DMD: variants seen among roughly 807,000 people sequenced by gnomAD.
DMD encodes the protein mutant dystrophin.
Under a neutral mutation model 330.1 loss-of-function variants are expected in DMD, and 63 were observed. The ratio of observed to expected loss-of-function variants is 0.19; its 90% CI spans 0.16 to 0.24. The LOEUF is 0.24. Among genes scored for constraint, DMD ranks in the 10% least tolerant of loss-of-function variants. The pLI, the probability that DMD is intolerant of heterozygous loss-of-function variation, is 1.00. For synonymous variants in DMD, 1,223 were observed against 959.8 expected (o/e 1.27, Z -5.07); for missense variants, 3,344 against 2,684.1 (o/e 1.25, Z -5.43).
intron 50 of DMD, among the ~76,000 whole-genome samples, chrX:31,797,129 C>A (rs762007181): frequency 1.8e-5 from 2 of 111,078 alleles, no homozygotes; most frequent in African/African-American, 6.6e-5. Context: ...CTGTTTGCCA[C>A]AATAAAAAAT....
chrX:32,817,890 G>A (rs1413830333), intron 5 of DMD, among the ~76,000 whole-genome samples: 1 of 111,835 alleles, frequency 8.9e-6, no homozygotes, highest in East Asian at 2.8e-4. Flanking sequence ...TGTAAACACA[G>A]TAACGATTCG....
intron 52 of DMD, among the ~76,000 whole-genome samples, chrX:31,703,843 T>C (rs2083989248): frequency 9.0e-6 from 1 of 111,207 alleles, no homozygotes; most frequent in African/African-American, 3.3e-5. Flanking sequence ...AAAAGATCAA[T>C]GAATTCTGGT....
chrX:31,989,288 C>G (rs750197523), intron 44 of DMD, among the ~76,000 whole-genome samples: 15 of 112,101 alleles, frequency 1.3e-4, no homozygotes, highest in Non-Finnish European at 3.8e-5. Context: ...CAAGTTGACA[C>G]ATGAAATTAA....
chrX:32,370,219 GTTTTTT>G (rs138937492), intron 34 of DMD, among the ~76,000 whole-genome samples: 1 of 95,442 alleles, frequency 1.0e-5, no homozygotes, highest in Admixed American at 1.2e-4. Flanking sequence ...AAGTGGTAGT[GTTTTTT>G]TTTTTTTTTT....
At chrX:32,841,737 T>G (rs2148963635) in intron 4 of DMD, among the ~76,000 whole-genome samples, 1 of 112,228 alleles carries the variant, frequency 8.9e-6, no homozygotes, top group African/African-American at 3.2e-5. Context: ...AAAACGATAA[T>G]GGTTCTATAG....
At chrX:31,937,305 T>C (rs1278254104) in intron 45 of DMD, among the ~76,000 whole-genome samples, 1 of 111,433 alleles carries the variant, frequency 9.0e-6, no homozygotes, top group Admixed American at 9.6e-5. Context: ...TTTATGGATA[T>C]TAACCATATA....
chrX:31,858,655 T>C (rs983258743), intron 48 of DMD, among the ~76,000 whole-genome samples: 1 of 110,810 alleles, frequency 9.0e-6, no homozygotes, highest in African/African-American at 3.3e-5. Context: ...TATATATATG[T>C]ATTATATACA....
intron 6 of DMD, among the ~76,000 whole-genome samples, chrX:32,811,051 G>A (rs908371463): frequency 3.6e-5 from 4 of 110,004 alleles, no homozygotes; most frequent in Non-Finnish European, 7.6e-5. Context: ...ATTGCATGCT[G>A]GCCAGGCACC....
In DMD at chrX:32,558,944, T is replaced by TTTTTTTTTTTTTTTTC. The variant is rs2050660921; in HGVS notation, c.1992+6757_1992+6758insGAAAAAAAAAAAAAAA. ...AGATGTAACTTCAAATTTTCTTTTT[T>TTTTTTTTTTTTTTTTC]TTTTTTTTTTTTTTTTTTTTTTTTG... is the stretch of plus-strand genomic sequence containing the variant. On this transcript the variant is annotated intron_variant, in intron 16 of 78. Transcript: ENST00000357033. 6.3e-4 allele frequency among the ~76,000 whole-genome samples: 24 copies of TTTTTTTTTTTTTTTTC among 38,211 alleles called. 1 individual carries two copies. The highest frequency in any genetic ancestry group is 2.0e-3 in the African/African-American group (24 of 11,998). 33.2% of individuals were successfully genotyped at this position (38,211 alleles called of 115,157 possible). A position where few individuals can be genotyped will look rare whatever the true frequency, so the allele number is the denominator to read the frequency against.
intron 7 of DMD, among the ~76,000 whole-genome samples, chrX:32,717,528 C>G (rs946421013): frequency 3.6e-5 from 4 of 111,959 alleles, no homozygotes; most frequent in African/African-American, 6.5e-5. Flanking sequence ...TAGAAGTCTG[C>G]TGCAGCGGGG....
intron 9 of DMD, among the ~76,000 whole-genome samples, chrX:32,659,428 C>T (rs2060804306): frequency 9.0e-6 from 1 of 111,129 alleles, no homozygotes; most frequent in Admixed American, 9.6e-5. Context: ...ATCTATAGTG[C>T]TTCTGTGGGA....
chrX:31,220,822 T>C (rs1445832426), intron 64 of DMD, among the ~76,000 whole-genome samples: 1 of 106,299 alleles, frequency 9.4e-6, no homozygotes, highest in Non-Finnish European at 1.9e-5. Flanking sequence ...GTCCAACCTG[T>C]GGCCCAGGAT....
At chrX:31,761,921 CTT>C (rs2089624787) in intron 51 of DMD, among the ~76,000 whole-genome samples, 1 of 112,241 alleles carries the variant, frequency 8.9e-6, no homozygotes, top group Non-Finnish European at 1.9e-5. Context: ...ATCCGATACC[CTT>C]TCTTTCCTTC....
At chrX:32,279,966 C>CATATATACGTACCCCACAT (rs1557261057) in intron 43 of DMD, among the ~76,000 whole-genome samples, 2 of 64,330 alleles carry the variant, frequency 3.1e-5, no homozygotes, top group Non-Finnish European at 6.5e-5. Context: ...ATGTGTAACC[C>CATATATACGTACCCCACAT]ATATATATAT....
intron 60 of DMD, among the ~76,000 whole-genome samples, chrX:31,385,458 C>T (rs2060403172): frequency 9.0e-6 from 1 of 111,618 alleles, no homozygotes; most frequent in Admixed American, 9.6e-5. Context: ...ATCCTGTTCA[C>T]AAACATGGAT....
At chrX:31,968,309 T>C in intron 45 of DMD, 30 bp downstream of exon 45, 1 of 1,202,943 alleles carries the variant, frequency 8.3e-7, no homozygotes, top group Non-Finnish European at 1.1e-6. Context: ...TGCTAAAATG[T>C]TTTCATTCCT....
intron 51 of DMD, among the ~76,000 whole-genome samples, chrX:31,749,382 G>C (rs1304457749): frequency 4.0e-5 from 4 of 99,020 alleles, no homozygotes; most frequent in Non-Finnish European, 8.1e-5. Context: ...CTATGAATGA[G>C]AATATGCGGT....
intron 7 of DMD, among the ~76,000 whole-genome samples, chrX:32,732,801 C>A (rs1406176669): frequency 1.8e-5 from 2 of 110,155 alleles, no homozygotes; most frequent in Non-Finnish European, 3.8e-5. Context: ...CCAGCCGCTG[C>A]AAAATCATGC....
chrX:32,529,066 C>T (rs1417701735), intron 17 of DMD, among the ~76,000 whole-genome samples: 14 of 106,768 alleles, frequency 1.3e-4, no homozygotes, highest in African/African-American at 4.8e-4. Context: ...GGACTACAGG[C>T]GCCTGCCGCC....
Sources: allele counts gnomAD v4.1 joint callset (sites outside exome capture counted in the v4.1 genomes callset), GRCh38; gene constraint gnomAD v4.1.1; transcripts MANE v1.5; gene names NCBI Gene and HGNC (gene_info 2026-07-23, HGNC 2026-07-21).